The following TMPRSS15 variants were observed in gnomAD, a reference collection of about 807,000 sequenced individuals.
The protein encoded by TMPRSS15 is enteropeptidase.
Under a neutral mutation model 125.3 loss-of-function variants are expected in TMPRSS15, and 128 were observed. The ratio of observed to expected loss-of-function variants is 1.02; its 90% CI spans 0.89 to 1.18. The LOEUF is 1.18. TMPRSS15 is among the 50% of genes most tolerant of loss of function. The probability of loss-of-function intolerance (pLI) is 0.00; values close to 1 mark genes in which losing one functional copy is unlikely to be tolerated. For synonymous variants in TMPRSS15, 446 were observed against 423.2 expected, an observed-to-expected ratio of 1.05 and a Z score of -0.66; for missense variants, 1,283 against 1,212.7, an observed-to-expected ratio of 1.06 and a Z score of -0.86.
intron 1 of TMPRSS15, among the ~76,000 whole-genome samples, chr21:18,476,716 G>A (rs1045812196): frequency 2.4e-4 from 37 of 152,066 alleles, no homozygotes; most frequent in African/African-American, 8.9e-4. Flanking sequence ...AAACATTGCT[G>A]CATTAAAAAT....
rs779640599 is a variant in TMPRSS15, at chr21:18,471,281, A to G, written c.10+14518T>C. On this transcript the variant is annotated intron_variant, in intron 1 of 7. Transcript: ENST00000422787. The stretch of plus-strand genomic sequence containing the variant: ...CATATCTATGATTTTTTCTATCAAT[A>G]GTATGTATATATGTTGCTATAGTGT... Among the ~76,000 whole-genome samples the G allele has an allele frequency of 5.6e-4, 85 of 152,130 alleles. 1 individual carries two copies. The highest frequency in any genetic ancestry group is 1.5e-4 in the Non-Finnish European group (10 of 68,002).
intron 24 of TMPRSS15, among the ~76,000 whole-genome samples, 194 bp from the exon 25 acceptor site, chr21:18,270,318 TAAC>T (rs1294910301): frequency 2.8e-4 from 42 of 152,204 alleles, no homozygotes; most frequent in African/African-American, 8.0e-4. Context: ...AGAGAAACTA[TAAC>T]AACTAAGACA....
At chr21:18,308,376 TACACAC>T (rs3138687) in intron 18 of TMPRSS15, among the ~76,000 whole-genome samples, 16 of 148,676 alleles carry the variant, frequency 1.1e-4, no homozygotes, top group African/African-American at 3.7e-4. Context: ...TAAAAAGAAT[TACACAC>T]ACACACACAC....
chr21:18,284,124 C>A (rs1409436352), intron 21 of TMPRSS15, among the ~76,000 whole-genome samples: 3 of 152,172 alleles, frequency 2.0e-5, no homozygotes, highest in Non-Finnish European at 4.4e-5. Context: ...CTATGAGCAG[C>A]ACCATGGATA....
chr21:18,449,858 AAC>A (rs760464791), intron 1 of TMPRSS15, among the ~76,000 whole-genome samples: 39 of 81,102 alleles, frequency 4.8e-4, no homozygotes, highest in South Asian at 2.9e-3. Flanking sequence ...CTTTCCCTCA[AAC>A]ACACACACAC....
intron 1 of TMPRSS15, among the ~76,000 whole-genome samples, chr21:18,470,222 T>G (rs992020632): frequency 4.6e-5 from 7 of 152,088 alleles, no homozygotes; most frequent in African/African-American, 1.7e-4. Flanking sequence ...TCTCCAACTT[T>G]TCTTTGGGCC....
intron 1 of TMPRSS15, among the ~76,000 whole-genome samples, chr21:18,464,648 T>C (rs1212099023): frequency 6.6e-6 from 1 of 152,174 alleles, no homozygotes; most frequent in East Asian, 1.9e-4. Flanking sequence ...GCAAATAAAC[T>C]AGAAAATCTG....
At position 18,465,796 on chromosome 21, in the gene TMPRSS15, T is replaced by C. The variant is rs527910571; in HGVS notation, c.10+20003A>G. On this transcript the variant is annotated intron_variant, in intron 1 of 7. Transcript: ENST00000422787. ...CAAATGGAAAAGCCTTCTATGCTCA[T>C]GGATAGGAAGAATCAATATGGTGAA... is the stretch of plus-strand genomic sequence containing the variant. Among the ~76,000 whole-genome samples the C allele has an allele frequency of 2.6e-5, 4 of 152,330 alleles. No homozygotes were observed. The East Asian group carries it at 7.7e-4, about 29-fold the overall frequency.
At chr21:18,420,444 G>GC (rs2123190110) in intron 1 of TMPRSS15, among the ~76,000 whole-genome samples, 1 of 5,462 alleles carries the variant, frequency 1.8e-4, no homozygotes, top group Non-Finnish European at 3.9e-3. Flanking sequence ...TCAATATTTG[G>GC]AAGTATAATA....
chr21:18,407,483 G>A (rs145849009), upstream of TMPRSS15, among the ~76,000 whole-genome samples: 179 of 114,904 alleles, frequency 1.6e-3, 1 homozygote, highest in African/African-American at 5.8e-3. Context: ...GTCTCATTCT[G>A]TCACCCAGGG....
intron 1 of TMPRSS15, among the ~76,000 whole-genome samples, chr21:18,451,253 C>A (rs1170751735): frequency 2.0e-5 from 3 of 151,998 alleles, no homozygotes; most frequent in Admixed American, 6.6e-5. Context: ...ACAAATGTTG[C>A]TATTAGCTTA....
intron 1 of TMPRSS15, among the ~76,000 whole-genome samples, chr21:18,469,947 A>C (rs1369080886): frequency 1.3e-5 from 2 of 152,134 alleles, no homozygotes; most frequent in African/African-American, 4.8e-5. Context: ...TGAAAGCAGA[A>C]ATAGTAATAG....
At chr21:18,276,462 G>A (rs1205414776) in intron 23 of TMPRSS15, among the ~76,000 whole-genome samples, 2 of 152,154 alleles carry the variant, frequency 1.3e-5, no homozygotes, top group Non-Finnish European at 2.9e-5. Context: ...TTAAAATGGA[G>A]GAGAAAATTT....
chr21:18,439,309 G>T (rs1037145071), intron 1 of TMPRSS15, among the ~76,000 whole-genome samples: 18 of 152,256 alleles, frequency 1.2e-4, no homozygotes, highest in African/African-American at 4.1e-4. Context: ...TGGAAAAACT[G>T]TAGCACAGAG....
chr21:18,415,764 T>G (rs572140666), intron 1 of TMPRSS15, among the ~76,000 whole-genome samples: 1 of 152,172 alleles, frequency 6.6e-6, no homozygotes, highest in South Asian at 2.1e-4. Flanking sequence ...TTTCTACCAC[T>G]TCTATTCTGT....
At chr21:18,344,437 T>A (rs2075483883) in intron 10 of TMPRSS15, among the ~76,000 whole-genome samples, 1 of 152,224 alleles carries the variant, frequency 6.6e-6, no homozygotes, top group African/African-American at 2.4e-5. Flanking sequence ...GCTGGTGGAC[T>A]AACTCAGAAT....
intron 12 of TMPRSS15, among the ~76,000 whole-genome samples, chr21:18,342,760 C>T (rs1031881774): frequency 6.6e-5 from 10 of 152,134 alleles, no homozygotes; most frequent in African/African-American, 2.4e-4. Flanking sequence ...GGGAGGAAAA[C>T]GGTTGAGAGT....
intron 21 of TMPRSS15, among the ~76,000 whole-genome samples, chr21:18,281,817 G>A (rs1322802505): frequency 6.6e-6 from 1 of 152,042 alleles, no homozygotes; most frequent in Non-Finnish European, 1.5e-5. Context: ...AAGTAAACAA[G>A]CCAGGCGCGG....
At chr21:18,387,287 AG>A (rs1168698652) in intron 3 of TMPRSS15, among the ~76,000 whole-genome samples, 1 of 152,166 alleles carries the variant, frequency 6.6e-6, no homozygotes, top group African/African-American at 2.4e-5. Context: ...TTTTTCTCTA[AG>A]GCAGAGAAAT....
Sources: allele counts gnomAD v4.1 joint callset (sites outside exome capture counted in the v4.1 genomes callset), GRCh38; gene constraint gnomAD v4.1.1; transcripts MANE v1.5; gene names NCBI Gene and HGNC (gene_info 2026-07-23, HGNC 2026-07-21).